ADCY3: variants seen among roughly 807,000 people sequenced by gnomAD.
The protein encoded by ADCY3 is adenylate cyclase type 3.
A neutral mutation model predicts 119.4 loss-of-function variants in ADCY3; 70 were observed. The observed-to-expected ratio is 0.59, with a 90% confidence interval of 0.48 to 0.72. The LOEUF (loss-of-function observed/expected upper bound fraction) is 0.72. ADCY3 is among the 30% of genes least tolerant of loss of function. The pLI, the probability that ADCY3 is intolerant of heterozygous loss-of-function variation, is 0.00. For synonymous variants in ADCY3, 672 were observed against 621.4 expected (o/e 1.08, Z -1.21); for missense variants, 1,238 against 1,541.6 (o/e 0.80, Z 3.30).
At chr2:24,912,548 C>T (rs1473341881) in intron 2 of ADCY3, among the ~76,000 whole-genome samples, 1 of 149,048 alleles carries the variant, frequency 6.7e-6, no homozygotes, top group Non-Finnish European at 1.5e-5. Flanking sequence ...GGAGTGAGCA[C>T]GCATGTGTGT....
intron 3 of ADCY3, among the ~76,000 whole-genome samples, chr2:24,867,895 G>A (rs1674496427): frequency 1.3e-5 from 2 of 152,212 alleles, no homozygotes; most frequent in Non-Finnish European, 2.9e-5. Context: ...AAAGTGGGGG[G>A]CAGAGGCTTG....
chr2:24,854,425 G>A (rs759534015), intron 3 of ADCY3, among the ~76,000 whole-genome samples: 8 of 152,144 alleles, frequency 5.3e-5, no homozygotes, highest in African/African-American at 4.8e-5. Context: ...ACTTCACCCC[G>A]GGGGCTTGGT....
At chr2:24,835,115 G>A (rs1056699427) in intron 9 of ADCY3, among the ~76,000 whole-genome samples, 179 bp from the exon 10 acceptor site, 1 of 140,122 alleles carries the variant, frequency 7.1e-6, no homozygotes, top group Non-Finnish European at 1.6e-5. Context: ...GGCTCCATGT[G>A]GCCTGGATCT....
intron 2 of ADCY3, among the ~76,000 whole-genome samples, chr2:24,915,580 G>C (rs562557265): frequency 6.6e-6 from 1 of 152,152 alleles, no homozygotes; most frequent in African/African-American, 2.4e-5. Context: ...TCACTCTGTC[G>C]CCCAGGCTGG....
At chr2:24,840,441 A>G in intron 6 of ADCY3, 1 of 393,488 alleles carries the variant, frequency 2.5e-6, no homozygotes, top group East Asian at 7.1e-5. Context: ...GGGCAGGGAG[A>G]GAATGTTAGA....
chr2:24,825,207 C>A (rs771137046), intron 16 of ADCY3, among the ~76,000 whole-genome samples: 1 of 152,050 alleles, frequency 6.6e-6, no homozygotes, highest in African/African-American at 2.4e-5. Flanking sequence ...CTTGGGAAGG[C>A]TGTACTTCCC....
chr2:24,843,936 G>A (rs76596938), intron 3 of ADCY3, among the ~76,000 whole-genome samples: 2,805 of 152,318 alleles, frequency 0.018, 95 homozygotes, highest in African/African-American at 0.064. Flanking sequence ...AGGGGAGGAG[G>A]GTGATGATGG....
chr2:24,846,823 C>T (rs1312558884), intron 3 of ADCY3, among the ~76,000 whole-genome samples: 1 of 152,218 alleles, frequency 6.6e-6, no homozygotes, highest in Non-Finnish European at 1.5e-5. Context: ...AGGTGATTCA[C>T]TCGCCTCAGC....
intron 2 of ADCY3, among the ~76,000 whole-genome samples, chr2:24,892,605 GTGCAC>G (rs542879035): frequency 4.8e-4 from 73 of 152,262 alleles, no homozygotes; most frequent in Admixed American, 8.5e-4. Context: ...GAACATTTCA[GTGCAC>G]TTGAAAAGAA....
intron 21 of ADCY3, 159 bp from the exon 22 acceptor site, chr2:24,820,273 G>T: frequency 8.2e-7 from 1 of 1,223,478 alleles, no homozygotes. Context: ...TCCACCCGTG[G>T]CGAGCAGCGG....
chr2:24,831,832 T>TG (rs1553336662), intron 11 of ADCY3, 83 bp from the exon 12 acceptor site: 6 of 113,102 alleles, frequency 5.3e-5, no homozygotes, highest in Admixed American at 1.4e-4. Context: ...GGGACGGGGA[T>TG]GGGGGCAGGG....
chr2:24,827,042 C>T (rs1668722304), intron 15 of ADCY3, among the ~76,000 whole-genome samples: 2 of 152,178 alleles, frequency 1.3e-5, no homozygotes, highest in African/African-American at 4.8e-5. Flanking sequence ...TTGCTAAGGG[C>T]TATGCAGGTT....
intron 2 of ADCY3, among the ~76,000 whole-genome samples, chr2:24,906,558 T>C (rs1404760764): frequency 1.3e-5 from 2 of 152,124 alleles, no homozygotes; most frequent in Non-Finnish European, 2.9e-5. Flanking sequence ...GCTGACAGGG[T>C]TGTCCACAGT....
intron 6 of ADCY3, chr2:24,840,457 T>C: frequency 2.5e-6 from 1 of 404,670 alleles, no homozygotes; most frequent in Middle Eastern, 3.6e-4. Flanking sequence ...TTAGAGTTCC[T>C]GGACTACCAC....
intron 2 of ADCY3, among the ~76,000 whole-genome samples, chr2:24,903,260 G>A (rs1465566467): frequency 1.3e-5 from 2 of 151,998 alleles, no homozygotes; most frequent in East Asian, 1.9e-4. Context: ...TCTTTTGACC[G>A]TCTGTGCTCT....
In ADCY3 at chr2:24,819,830, A is replaced by G. The variant is rs1667272832; in HGVS notation, c.*102T>C. 2 of 1,263,240 alleles carry G rather than the reference A, an allele frequency of 1.6e-6. No individual in the cohort carries two copies. The highest frequency in any genetic ancestry group is 1.1e-6 in the Non-Finnish European group (1 of 919,704). 78.3% of individuals were successfully genotyped at this position (1,263,240 alleles called of 1,614,324 possible). On this transcript the variant is annotated 3_prime_UTR_variant, in exon 22 of 22. Coordinates refer to ENST00000679454, the MANE Select transcript of ADCY3 (RefSeq NM_004036.5). ...AGGCTGAGGAGGTTTCTAAACCTAA[A>G]GTCCATGAGTGTGCACTTCAATCCA...
At position 24,841,160 on chromosome 2, in the gene ADCY3, A is replaced by AC. The variant is rs1670955072; in HGVS notation, c.1196+98dup. 1 of 1,343,884 alleles carries AC rather than the reference A, an allele frequency of 7.4e-7. No individual in the cohort carries two copies. The highest frequency in any genetic ancestry group is 9.9e-7 in the Non-Finnish European group (1 of 1,013,880). The allele number at this position is 1,343,884 out of a possible 1,614,324, so 83.2% of individuals were successfully genotyped here. ...AGTCTCTGCTTCCAGCAGATCCCCC[A>AC]CCCAGGGGCCATGGCCAGCGCGGAA... On this transcript the variant is annotated intron_variant, in intron 6 of 21. Transcript: ENST00000679454. This position sits in a 1 kb window ranked among gnomAD's most constrained non-coding sequence, Gnocchi z 5.8.
In ADCY3 at chr2:24,819,308, TTAAAAA is replaced by T; in HGVS notation, c.*618_*623del. 6.5e-6 allele frequency: 1 copy of T among 152,756 alleles called. No individual in the cohort carries two copies. Among genetic ancestry groups the T allele is most frequent in the Middle Eastern group, 3.4e-3 (1 of 294 alleles). The allele number at this position is 152,756 out of a possible 1,614,324, so 9.5% of individuals were successfully genotyped here. On this transcript the variant is annotated 3_prime_UTR_variant, in exon 22 of 22. Coordinates refer to ENST00000679454, the MANE Select transcript of ADCY3 (RefSeq NM_004036.5). Reference sequence around the variant, plus strand: ...ATCGGAAAGTGTATTTAACAGAAGATTAAAAATATAAATGTAGAAGATCTGTTTATA... The same window carrying T: ...ATCGGAAAGTGTATTTAACAGAAGATTATAAATGTAGAAGATCTGTTTATA...
intron 2 of ADCY3, among the ~76,000 whole-genome samples, chr2:24,881,122 T>C (rs1558493835): frequency 6.6e-6 from 1 of 152,144 alleles, no homozygotes; most frequent in East Asian, 1.9e-4. Flanking sequence ...GAAATGCCCA[T>C]GAGGGCTGGC....
Sources: allele counts gnomAD v4.1 joint callset (sites outside exome capture counted in the v4.1 genomes callset), GRCh38; gene constraint gnomAD v4.1.1; non-coding constraint Gnocchi (gnomAD v3.1); transcripts MANE v1.5; gene names NCBI Gene and HGNC (gene_info 2026-07-23, HGNC 2026-07-21).